Variants in NBPF26 observed in about 807,000 individuals in gnomAD.
NBPF26 encodes the protein NBPF member 26, also known as NBPF family member NBPF26.
A neutral mutation model predicts 119.6 loss-of-function variants in NBPF26; 79 were observed. The ratio of observed to expected loss-of-function variants is 0.66; its 90% confidence interval spans 0.55 to 0.80. The LOEUF is 0.80. Among genes scored for constraint, NBPF26 ranks in the 30% least tolerant of loss-of-function variants. The pLI is 0.00. For missense variants in NBPF26, 800 were observed against 1,198.2 expected (o/e 0.67, Z 4.91); for synonymous variants, 299 against 457.7 (o/e 0.65, Z 4.43).
chr1:120,793,372 C>T lies in NBPF26; in HGVS notation c.627C>T (p.Cys209=). Residue 209 remains cysteine, a synonymous_variant, in exon 4 of 30, where the codon TGC becomes TGT. Coordinates refer to ENST00000620612, the Ensembl canonical transcript of NBPF26. ...TGCCTGGTTCCTACCAGTGCCAGTGCCTTCAGGGCTTCACAGGCCAGTACT... is the reference window on the plus strand; with the variant it reads ...TGCCTGGTTCCTACCAGTGCCAGTGTCTTCAGGGCTTCACAGGCCAGTACT... The T allele has an allele frequency of 1.6e-5, 23 of 1,431,758 alleles. 6 individuals are homozygous for T. Among genetic ancestry groups the T allele is most frequent in the East Asian group, 4.7e-5 (2 of 42,652 alleles). 88.7% of individuals were successfully genotyped at this position (1,431,758 alleles called of 1,614,324 possible). A position where few individuals can be genotyped will look rare whatever the true frequency, so the allele number is the denominator to read the frequency against.
Position 120,793,521 on chromosome 1 carries a change from G to T in NBPF26, c.751+25G>T, listed in dbSNP as rs1380005847. On this transcript the variant is annotated intron_variant, in intron 4 of 29. Coordinates refer to ENST00000620612, the Ensembl canonical transcript of NBPF26. ...GGTAAGGAGCTCCCTAGTGTCCCAG[G>T]ATTAGGGGACAAACCCCTAGCACAG... 16 of 1,138,060 alleles carry T rather than the reference G, an allele frequency of 1.4e-5. 2 individuals are homozygous for T. The highest frequency in any genetic ancestry group is 2.0e-5 in the Non-Finnish European group (16 of 810,212). The allele number at this position is 1,138,060 out of a possible 1,614,324, so 70.5% of individuals were successfully genotyped here. A position where few individuals can be genotyped will look rare whatever the true frequency, so the allele number is the denominator to read the frequency against.
At chr1:120,728,747 T>G (rs1195494123) in intron 1 of NBPF26, among the ~76,000 whole-genome samples, 1 of 117,316 alleles carries the variant, frequency 8.5e-6, no homozygotes, top group Non-Finnish European at 1.6e-5. Context: ...ATTTTTTTCA[T>G]TGAGTTGGAT....
intron 17 of NBPF26, among the ~76,000 whole-genome samples, chr1:120,823,757 T>TGTGTGTGTGTGC (rs1449103742): frequency 1.0e-5 from 1 of 100,238 alleles, no homozygotes; most frequent in Non-Finnish European, 1.9e-5. Context: ...TCGCTCTGTG[T>TGTGTGTGTGTGC]GTGTGTGTGT....
At position 120,724,240 on chromosome 1, in the gene NBPF26, C is replaced by G; in HGVS notation, c.63C>G (p.Ala21=). 2 of 1,402,250 alleles carry G rather than the reference C, an allele frequency of 1.4e-6. 1 individual carries two copies. Among genetic ancestry groups the G allele is most frequent in the Admixed American group, 4.2e-5 (2 of 47,938 alleles). The allele number at this position is 1,402,250 out of a possible 1,614,324, so 86.9% of individuals were successfully genotyped here. ...TGGCGCTCTGGCTGTGCTGGGCGGC[C>G]CCCGCGCATGGTGAGTATCGGGCTG... The change falls in exon 1 of 30, where the codon GCC becomes GCG. Residue 21 remains alanine, a synonymous_variant. Coordinates refer to ENST00000620612, the Ensembl canonical transcript of NBPF26.
chr1:120,785,197 G>A (rs1651412083), exon 3 of NBPF26: 3 of 1,445,336 alleles, frequency 2.1e-6, no homozygotes, highest in South Asian at 1.2e-5. Context: ...GCTCAGCCGG[G>A]ATACCTATGA....
In NBPF26 at chr1:120,818,555, G is replaced by A. The variant is rs1274749710; in HGVS notation, c.2423+381G>A. 6.4e-5 allele frequency among the ~76,000 whole-genome samples: 8 copies of A among 125,750 alleles called. 1 individual carries two copies. The highest frequency in any genetic ancestry group is 2.0e-4 in the East Asian group (1 of 5,038). The allele number at this position is 125,750 out of a possible 152,430, so 82.5% of individuals were successfully genotyped here. A position where few individuals can be genotyped will look rare whatever the true frequency, so the allele number is the denominator to read the frequency against. The stretch of plus-strand genomic sequence containing the variant: ...TGAATTTGTTTGCTTTGCTTCTCTC[G>A]TTATTTTAATTGTGATGTTAGGGTG... On this transcript the variant is annotated intron_variant, in intron 15 of 29. Coordinates refer to ENST00000620612, the Ensembl canonical transcript of NBPF26.
chr1:120,833,217 C>T (rs1652395904), intron 23 of NBPF26, among the ~76,000 whole-genome samples: 1 of 116,930 alleles, frequency 8.6e-6, no homozygotes, highest in South Asian at 2.7e-4. Flanking sequence ...CTCATGGCCA[C>T]TGCATCGAAT....
At chr1:120,804,706 A>G (rs1651636733) in intron 4 of NBPF26, among the ~76,000 whole-genome samples, 1 of 117,888 alleles carries the variant, frequency 8.5e-6, no homozygotes, top group Admixed American at 8.1e-5. Flanking sequence ...ACCCACATAG[A>G]GGAAGAGCTT....
rs1249732827 is a variant in NBPF26 at position 120,823,642 on chromosome 1, A to G, written c.2639+282A>G. Among the ~76,000 whole-genome samples the G allele has an allele frequency of 5.6e-5, 7 of 125,206 alleles. 2 individuals carry two copies. The highest frequency in any genetic ancestry group is 1.1e-4 in the Non-Finnish European group (7 of 61,288). 82.1% of individuals were successfully genotyped at this position (125,206 alleles called of 152,430 possible). ...GACCACATTTTACGCAAAATTATTG[A>G]GGACATGCTTTTCATGATCACTGTT... On this transcript the variant is annotated intron_variant, in intron 17 of 29. Coordinates refer to ENST00000620612, the Ensembl canonical transcript of NBPF26.
At chr1:120,767,805 G>T (rs1164723798) in intron 2 of NBPF26, among the ~76,000 whole-genome samples, 1 of 111,828 alleles carries the variant, frequency 8.9e-6, no homozygotes, top group Non-Finnish European at 1.7e-5. Flanking sequence ...GACAACTCAA[G>T]TTCACTAGGA....
In NBPF26 at chr1:120,812,011, A is replaced by T. The variant is rs1170193003; in HGVS notation, c.1690A>T (p.Lys564Ter). ...GAAATTGCGCCCCCAGCTGGCAGAG[A>T]AGAAACAGCAGTTCAGAAACCTCAA... is the stretch of plus-strand genomic sequence containing the variant. The change falls in exon 10 of 30, where the codon AAG becomes TAG. Residue 564 changes from lysine (K) to a stop codon, truncating the protein, a stop_gained. Transcript: ENST00000620612. LOFTEE classifies it high-confidence loss of function. 13 of 1,289,942 alleles carry T rather than the reference A, an allele frequency of 1.0e-5. 2 individuals carry two copies. The highest frequency in any genetic ancestry group is 1.2e-5 in the Non-Finnish European group (11 of 945,192). 79.9% of individuals were successfully genotyped at this position (1,289,942 alleles called of 1,614,324 possible). A position where few individuals can be genotyped will look rare whatever the true frequency, so the allele number is the denominator to read the frequency against.
At chr1:120,790,004 G>T in intron 3 of NBPF26, among the ~76,000 whole-genome samples, 1 of 72,882 alleles carries the variant, frequency 1.4e-5, no homozygotes, top group Non-Finnish European at 2.4e-5. Flanking sequence ...GCAAGATTCT[G>T]ATCACCTTTT....
At chr1:120,818,500 C>G (rs1406127586) in intron 15 of NBPF26, among the ~76,000 whole-genome samples, 1 of 124,582 alleles carries the variant, frequency 8.0e-6, no homozygotes, top group Non-Finnish European at 1.6e-5. Context: ...CTGCTCTGAT[C>G]TTAGTTACTT....
chr1:120,805,403 G>C lies in NBPF26; in HGVS notation c.752-153G>C, dbSNP rs1553269619. The C allele has an allele frequency of 7.4e-6, 9 of 1,215,708 alleles. 3 individuals are homozygous for C. Among genetic ancestry groups the C allele is most frequent in the South Asian group, 2.9e-5 (2 of 70,000 alleles). The allele number at this position is 1,215,708 out of a possible 1,614,324, so 75.3% of individuals were successfully genotyped here. On this transcript the variant is annotated intron_variant, in intron 4 of 29. Transcript: ENST00000620612. ...TTGAGGCACCTCGAACCTTGTTTTT[G>C]TGGTGAAGGATCCTAAAGTGCTGTG...
rs1379072761 is a variant in NBPF26, at chr1:120,747,661, T to C, written c.74-15967T>C. Among the ~76,000 whole-genome samples the C allele has an allele frequency of 1.0e-3, 30 of 29,112 alleles. 14 individuals are homozygous for C. Among genetic ancestry groups the C allele is most frequent in the African/African-American group, 3.3e-3 (8 of 2,392 alleles). 19.1% of individuals were successfully genotyped at this position (29,112 alleles called of 152,430 possible). A position where few individuals can be genotyped will look rare whatever the true frequency, so the allele number is the denominator to read the frequency against. ...TATTATATGTTTTTTAGCCCATAAA[T>C]ATGGAGATGTTTTAAAATTTCTTCC... On this transcript the variant is annotated intron_variant, in intron 1 of 29. Transcript: ENST00000620612.
Position 120,824,043 on chromosome 1 carries a change from A to G in NBPF26, c.2709A>G (p.Ser903=). ...AGGACTCACTGGATAGATGTTATTCAACTCCTTCAGGTTGTCTTGAACTGA... is the reference window on the plus strand; with the variant it reads ...AGGACTCACTGGATAGATGTTATTCGACTCCTTCAGGTTGTCTTGAACTGA... Residue 903 remains serine, a synonymous_variant, in exon 18 of 30, where the codon TCA becomes TCG. Coordinates refer to ENST00000620612, the Ensembl canonical transcript of NBPF26. The G allele has an allele frequency of 3.7e-6, 2 of 537,564 alleles. 1 individual carries two copies. The highest frequency in any genetic ancestry group is 1.2e-4 in the African/African-American group (2 of 16,034). 33.3% of individuals were successfully genotyped at this position (537,564 alleles called of 1,614,324 possible).
At chr1:120,790,012 T>G (rs1651466410) in intron 3 of NBPF26, among the ~76,000 whole-genome samples, 1 of 56,382 alleles carries the variant, frequency 1.8e-5, no homozygotes, top group South Asian at 5.2e-4. Context: ...CTGATCACCT[T>G]TTTTTTTTTT....
chr1:120,792,778 G>A (rs1651507269), intron 3 of NBPF26, among the ~76,000 whole-genome samples: 1 of 101,552 alleles, frequency 9.8e-6, no homozygotes, highest in South Asian at 2.8e-4. Flanking sequence ...GGAATTACAG[G>A]TGTGAGCCAC....
chr1:120,831,761 G>GTT (rs1652345174), intron 21 of NBPF26, among the ~76,000 whole-genome samples: 1 of 21,988 alleles, frequency 4.5e-5, no homozygotes, highest in African/African-American at 1.1e-4. Flanking sequence ...CTGTGTGTGT[G>GTT]TGTGTGTGTG....
Sources: allele counts gnomAD v4.1 joint callset (sites outside exome capture counted in the v4.1 genomes callset), GRCh38; gene constraint gnomAD v4.1.1; transcripts MANE v1.5; gene names NCBI Gene and HGNC (gene_info 2026-07-23, HGNC 2026-07-21).